Variants in RBFOX2 observed in about 807,000 individuals in gnomAD.
RBFOX2 encodes the protein RNA binding fox-1 homolog 2, also known as RNA binding protein fox-1 homolog 2.
Under a neutral mutation model 49.1 loss-of-function variants are expected in RBFOX2, and 10 were observed. The observed-to-expected ratio is 0.20, with a 90% CI of 0.13 to 0.35. RBFOX2 has a LOEUF of 0.35. Among genes scored for constraint, RBFOX2 ranks in the 10% least tolerant of loss-of-function variants. The pLI, the probability that RBFOX2 is intolerant of heterozygous loss-of-function variation, is 1.00. For synonymous variants in RBFOX2, 183 were observed against 187.4 expected (o/e 0.98, Z 0.19); for missense variants, 323 against 486.9 (o/e 0.66, Z 3.17).
At chr22:35,852,270 G>A (rs1348070199) in intron 1 of RBFOX2, among the ~76,000 whole-genome samples, 1 of 152,048 alleles carries the variant, frequency 6.6e-6, no homozygotes, top group African/African-American at 2.4e-5. Context: ...TTTGGTATCT[G>A]CAGGGGTGTG....
chr22:35,977,218 T>C (rs1419291986), intron 1 of RBFOX2, among the ~76,000 whole-genome samples: 6 of 152,136 alleles, frequency 3.9e-5, no homozygotes, highest in Admixed American at 3.3e-4. Context: ...TGTAGATATA[T>C]TCATTGCTGA....
At chr22:35,779,766 CAG>C (rs769649307) in intron 3 of RBFOX2, among the ~76,000 whole-genome samples, 20 of 152,110 alleles carry the variant, frequency 1.3e-4, no homozygotes, top group Admixed American at 7.2e-4. Context: ...TTCTAAGTAA[CAG>C]AGAGTCACAA....
intron 2 of RBFOX2, 141 bp from the exon 4 acceptor site, chr22:35,781,887 A>G (rs187984527): frequency 1.4e-4 from 118 of 868,010 alleles, no homozygotes; most frequent in Middle Eastern, 3.4e-4. Context: ...AGCAACAACA[A>G]CAGCAGCAAC....
chr22:35,934,493 T>C (rs2052815527), intron 1 of RBFOX2, among the ~76,000 whole-genome samples: 1 of 152,148 alleles, frequency 6.6e-6, no homozygotes, highest in African/African-American at 2.4e-5. Context: ...TGAAACTAAT[T>C]ATTGGCATCA....
chr22:35,752,077 T>C (rs908826043), intron 9 of RBFOX2, among the ~76,000 whole-genome samples: 2 of 152,208 alleles, frequency 1.3e-5, no homozygotes, highest in Non-Finnish European at 2.9e-5. Flanking sequence ...CCAAGGGAAA[T>C]GCATGTCTCA....
At chr22:35,868,555 G>A (rs1203083030) in intron 1 of RBFOX2, among the ~76,000 whole-genome samples, 1 of 151,938 alleles carries the variant, frequency 6.6e-6, no homozygotes, top group African/African-American at 2.4e-5. Context: ...TTCAAGACCA[G>A]CCTGGACAAC....
In RBFOX2 at chr22:35,953,661, T is replaced by A. The variant is rs1039315327; in HGVS notation, c.42+7902A>T. On this transcript the variant is annotated intron_variant, in intron 1 of 5. Coordinates refer to the RBFOX2 transcript ENST00000408983. ...TTTAAAAGTTTAATTTTATGTTATATGAATTTAACCTCCATTAACATTTTT... is the reference window on the plus strand; with the variant it reads ...TTTAAAAGTTTAATTTTATGTTATAAGAATTTAACCTCCATTAACATTTTT... Among the ~76,000 whole-genome samples the A allele has an allele frequency of 3.2e-4, 49 of 152,224 alleles. 1 individual carries two copies. The highest frequency in any genetic ancestry group is 3.1e-3 in the Admixed American group (48 of 15,278).
At chr22:35,941,385 T>C (rs1194159997), upstream of RBFOX2, among the ~76,000 whole-genome samples, 1 of 152,114 alleles carries the variant, frequency 6.6e-6, no homozygotes, top group African/African-American at 2.4e-5. Context: ...AATGAGATAA[T>C]ATAGCAGTAT....
At chr22:35,945,353 TG>T (rs2149796498) in intron 1 of RBFOX2, among the ~76,000 whole-genome samples, 1 of 152,322 alleles carries the variant, frequency 6.6e-6, no homozygotes, top group South Asian at 2.1e-4. Context: ...ATAAAAGGAA[TG>T]CCACAGGAAC....
chr22:36,018,140 C>A (rs1012969122), intron 1 of RBFOX2, among the ~76,000 whole-genome samples: 3 of 152,152 alleles, frequency 2.0e-5, no homozygotes, highest in African/African-American at 4.8e-5. Context: ...CTACTTGGGC[C>A]CAGGCATGGT....
At chr22:35,876,852 T>G (rs1209632027) in intron 1 of RBFOX2, among the ~76,000 whole-genome samples, 2 of 152,094 alleles carry the variant, frequency 1.3e-5, no homozygotes, top group East Asian at 3.9e-4. Context: ...ACTATCCATC[T>G]GAAATAAAAA....
chr22:35,777,404 T>C (rs1944196406), intron 4 of RBFOX2, among the ~76,000 whole-genome samples: 1 of 152,210 alleles, frequency 6.6e-6, no homozygotes, highest in Non-Finnish European at 1.5e-5. Context: ...CACTTACTAC[T>C]TTCATTCTTA....
At chr22:35,940,685 C>A (rs76708778), upstream of RBFOX2, among the ~76,000 whole-genome samples, 905 of 152,108 alleles carry the variant, frequency 5.9e-3, 7 homozygotes, top group African/African-American at 0.02. Flanking sequence ...CAGAAAAAAA[C>A]CAAAATGTCC....
chr22:35,750,071 T>C (rs1934326071), intron 9 of RBFOX2, among the ~76,000 whole-genome samples: 1 of 151,950 alleles, frequency 6.6e-6, no homozygotes, highest in Non-Finnish European at 1.5e-5. Context: ...ACCACTTGAG[T>C]TAACATTCCA....
At chr22:35,802,429 AAATC>A (rs1326231698) in intron 2 of RBFOX2, among the ~76,000 whole-genome samples, 5 of 152,352 alleles carry the variant, frequency 3.3e-5, no homozygotes, top group African/African-American at 7.2e-5. Context: ...AGGATTCTAG[AAATC>A]AATCAATGGC....
chr22:35,786,072 T>C (rs1051919557), intron 2 of RBFOX2, among the ~76,000 whole-genome samples: 17 of 152,230 alleles, frequency 1.1e-4, no homozygotes, highest in Non-Finnish European at 1.8e-4. Context: ...AAAAGACTGA[T>C]TCCACAAACT....
chr22:35,840,708 G>T, upstream of RBFOX2: 1 of 774,038 alleles, frequency 1.3e-6, no homozygotes, highest in Non-Finnish European at 1.6e-6. Flanking sequence ...CATATTTTAA[G>T]GATGCGATGA....
chr22:36,016,835 T>C (rs2059054228), intron 1 of RBFOX2, among the ~76,000 whole-genome samples: 13 of 152,242 alleles, frequency 8.5e-5, no homozygotes, highest in Admixed American at 8.5e-4. Context: ...GGCAGAAATT[T>C]CTAGATGCCA....
chr22:35,929,947 T>C (rs2149668948), intron 1 of RBFOX2, among the ~76,000 whole-genome samples: 1 of 152,180 alleles, frequency 6.6e-6, no homozygotes, highest in South Asian at 2.1e-4. Flanking sequence ...TCTATACGTT[T>C]ACTAAATATC....
Sources: allele counts gnomAD v4.1 joint callset (sites outside exome capture counted in the v4.1 genomes callset), GRCh38; gene constraint gnomAD v4.1.1; transcripts MANE v1.5; gene names NCBI Gene and HGNC (gene_info 2026-07-23, HGNC 2026-07-21).